The following PRDM16 variants were observed in gnomAD, a reference collection of about 807,000 sequenced individuals.
PRDM16 encodes histone-lysine N-methyltransferase PRDM16.
PRDM16 carries 23 observed loss-of-function variants against 110.6 expected under a neutral mutation model. The ratio of observed to expected loss-of-function variants is 0.21; its 90% CI spans 0.15 to 0.29. The LOEUF is 0.29. PRDM16 is among the 10% of genes least tolerant of loss of function. PRDM16 has a pLI of 1.00. For synonymous variants in PRDM16, 799 were observed against 781.8 expected (o/e 1.02, Z -0.37); for missense variants, 1,615 against 1,794.3 (o/e 0.90, Z 1.81).
chr1:3,089,134 C>G (rs534717168), intron 1 of PRDM16, among the ~76,000 whole-genome samples: 92 of 152,344 alleles, frequency 6.0e-4, no homozygotes, highest in Middle Eastern at 3.4e-3. Flanking sequence ...TGTCGCCCCA[C>G]CTGTCCTCAG....
chr1:3,233,410 C>T (rs1251156107), intron 2 of PRDM16, among the ~76,000 whole-genome samples: 12 of 152,290 alleles, frequency 7.9e-5, no homozygotes, highest in Admixed American at 5.9e-4. Flanking sequence ...GAAGGCACAG[C>T]GCACCCGCCG....
At chr1:3,079,447 G>C (rs1019422487) in intron 1 of PRDM16, among the ~76,000 whole-genome samples, 2 of 152,160 alleles carry the variant, frequency 1.3e-5, no homozygotes, top group African/African-American at 4.8e-5. Context: ...AAGGTCCCTG[G>C]GTCCCTTTCG....
intron 2 of PRDM16, chr1:3,207,226 G>A (rs914582830): frequency 2.0e-5 from 3 of 152,164 alleles, no homozygotes; most frequent in South Asian, 2.1e-4. Context: ...AAATAAATTC[G>A]CAGCTACAAA....
At chr1:3,181,808 G>A (rs1291830044) in intron 1 of PRDM16, among the ~76,000 whole-genome samples, 418 of 35,748 alleles carry the variant, frequency 0.012, 4 homozygotes, top group Middle Eastern at 0.026. Flanking sequence ...TCTTACACAC[G>A]GTCTTACACA....
rs150507325 is a variant in PRDM16, at chr1:3,161,227, G to A, written c.38-24898G>A. Among the ~76,000 whole-genome samples, 158 of 152,316 alleles carry A rather than the reference G, an allele frequency of 1.0e-3. 1 individual carries two copies. The highest frequency in any genetic ancestry group is 3.5e-3 in the African/African-American group (147 of 41,562). The stretch of plus-strand genomic sequence containing the variant: ...TTTTCAAAGTTTCTCAAAAGACGGC[G>A]AAGGAGCGCTTCGGCTCTCACCAGC... On this transcript the variant is annotated intron_variant, in intron 1 of 16. Coordinates refer to ENST00000270722, the MANE Select transcript of PRDM16 (RefSeq NM_022114.4).
At chr1:3,124,134 G>A (rs921797542) in intron 1 of PRDM16, among the ~76,000 whole-genome samples, 3 of 152,216 alleles carry the variant, frequency 2.0e-5, no homozygotes, top group African/African-American at 4.8e-5. Flanking sequence ...GGGCAGGGCC[G>A]GTGGAGGTGG....
In PRDM16 at chr1:3,177,820, A is replaced by C. The variant is rs1380103961; in HGVS notation, c.38-8305A>C. On this transcript the variant is annotated intron_variant, in intron 1 of 16. Transcript: ENST00000270722. ...GTAATTGCATTTATATGTTGGCCTG[A>C]ACTGATCAGTAAGTTTAGATACTGT... is the stretch of plus-strand genomic sequence containing the variant. 3.3e-5 allele frequency among the ~76,000 whole-genome samples: 5 copies of C among 152,180 alleles called. No homozygotes were observed. In the East Asian group the frequency reaches 9.6e-4, roughly 29 times the overall value.
Position 3,402,988 on chromosome 1 carries a change from A to C in PRDM16, c.874A>C (p.Asn292His). The change falls in exon 6 of 17, where the codon AAC becomes CAC. Residue 292 changes from asparagine to histidine, a missense_variant. Transcript: ENST00000270722. Reference sequence around the variant, plus strand: ...CAAGGACTGCGAGCGGATGTTCCCCAACAAGTACAGGTGCCACGCCCTCCT... The same window carrying C: ...CAAGGACTGCGAGCGGATGTTCCCCCACAAGTACAGGTGCCACGCCCTCCT... ...ECKDCERMFP[N>H]KYSLEQHMVI... is the part of the protein sequence containing the mutation. 8.1e-6 allele frequency: 13 copies of C among 1,604,572 alleles called. No homozygotes were observed. The highest frequency in any genetic ancestry group is 1.0e-5 in the Non-Finnish European group (12 of 1,177,198).
intron 1 of PRDM16, among the ~76,000 whole-genome samples, chr1:3,088,199 C>G (rs529454421): frequency 2.6e-5 from 4 of 152,110 alleles, no homozygotes; most frequent in African/African-American, 9.7e-5. Flanking sequence ...ATCTCCTCAC[C>G]GAGGACGTAG....
chr1:3,359,920 G>T lies in PRDM16; in HGVS notation c.439-25232G>T, dbSNP rs543299079. ...CGGATGCCGTGTGCACGCAAAGACG[G>T]CAGCCAGCTCCTCACAGAAGGCCGC... On this transcript the variant is annotated intron_variant, in intron 3 of 16. Transcript: ENST00000270722. The surrounding 1 kb of genome is among the most constrained non-coding windows in gnomAD (Gnocchi z 4.3). 6.6e-6 allele frequency among the ~76,000 whole-genome samples: 1 copy of T among 152,236 alleles called. No individual in the cohort carries two copies. Among genetic ancestry groups the T allele is most frequent in the Non-Finnish European group, 1.5e-5 (1 of 68,046 alleles).
rs1049965594 is a variant in PRDM16, at chr1:3,438,361, G to A, written c.*4550G>A. 4.5e-5 allele frequency: 9 copies of A among 202,074 alleles called. No homozygotes were observed. Among genetic ancestry groups the A allele is most frequent in the African/African-American group, 1.6e-4 (7 of 43,566 alleles). The allele number at this position is 202,074 out of a possible 1,614,324, so 12.5% of individuals were successfully genotyped here. A position where few individuals can be genotyped will look rare whatever the true frequency, so the allele number is the denominator to read the frequency against. On this transcript the variant is annotated 3_prime_UTR_variant, in exon 17 of 17. Coordinates refer to ENST00000270722, the MANE Select transcript of PRDM16 (RefSeq NM_022114.4). ...AAGAGGCGCAGTTCCCAATTAATACGGAAATCGCTGTGGGAGAAGAATGAA... is the reference window on the plus strand; with the variant it reads ...AAGAGGCGCAGTTCCCAATTAATACAGAAATCGCTGTGGGAGAAGAATGAA...
chr1:3,124,855 C>T (rs992623021), intron 1 of PRDM16, among the ~76,000 whole-genome samples: 1 of 152,142 alleles, frequency 6.6e-6, no homozygotes, highest in African/African-American at 2.4e-5. Context: ...TCCACAGCCC[C>T]CTCCCTGCTC....
chr1:3,345,902 C>T (rs980667725), intron 3 of PRDM16, among the ~76,000 whole-genome samples: 1 of 152,144 alleles, frequency 6.6e-6, no homozygotes, highest in Non-Finnish European at 1.5e-5. Context: ...GCTACACAGT[C>T]CCCCCACCCT....
chr1:3,174,424 C>T (rs888400136), intron 1 of PRDM16, among the ~76,000 whole-genome samples: 35 of 152,148 alleles, frequency 2.3e-4, no homozygotes, highest in Admixed American at 2.2e-3. Context: ...TCTTGGGAGC[C>T]GCTGGCCAGC....
rs1024173997 is a variant in PRDM16, at chr1:3,244,444, A to G, written c.438+307A>G. Among the ~76,000 whole-genome samples the G allele has an allele frequency of 6.6e-6, 1 of 152,110 alleles. No homozygotes were observed. The highest frequency in any genetic ancestry group is 1.5e-5 in the Non-Finnish European group (1 of 68,016). On this transcript the variant is annotated intron_variant, in intron 3 of 16. Transcript: ENST00000270722. This position sits in a 1 kb window ranked among gnomAD's most constrained non-coding sequence, Gnocchi z 4.1. ...TGTGGGAAAGCTTCAGGCCACGCAG[A>G]CAGGAAAATTAAATAAACGCAGGTT... is the stretch of plus-strand genomic sequence containing the variant.
intron 3 of PRDM16, among the ~76,000 whole-genome samples, chr1:3,288,881 T>G (rs1570000971): frequency 6.6e-6 from 1 of 152,126 alleles, no homozygotes; most frequent in African/African-American, 2.4e-5. Flanking sequence ...CTCCTGGGTG[T>G]TCTCCTCCCA....
intron 8 of PRDM16, among the ~76,000 whole-genome samples, chr1:3,407,418 G>A (rs1232198516): frequency 6.6e-6 from 1 of 152,222 alleles, no homozygotes; most frequent in Non-Finnish European, 1.5e-5. Context: ...GATCTCCCAG[G>A]AGGAGCATGT....
At chr1:3,401,507 C>G (rs767257083) in intron 5 of PRDM16, among the ~76,000 whole-genome samples, 2 of 152,202 alleles carry the variant, frequency 1.3e-5, no homozygotes, top group African/African-American at 4.8e-5. Flanking sequence ...CACACAAACA[C>G]AAACATGCAC....
intron 1 of PRDM16, among the ~76,000 whole-genome samples, chr1:3,094,565 A>T (rs1642351684): frequency 6.6e-6 from 1 of 152,200 alleles, no homozygotes; most frequent in Admixed American, 6.5e-5. Context: ...CAGGGCCGGG[A>T]CGCTATAAAG....
Sources: allele counts gnomAD v4.1 joint callset (sites outside exome capture counted in the v4.1 genomes callset), GRCh38; gene constraint gnomAD v4.1.1; non-coding constraint Gnocchi (gnomAD v3.1); transcripts MANE v1.5; gene names NCBI Gene and HGNC (gene_info 2026-07-23, HGNC 2026-07-21).